The following CCDC171 variants were observed in gnomAD, a reference collection of about 807,000 sequenced individuals.
CCDC171 encodes the protein coiled-coil domain containing 171.
A neutral mutation model predicts 168.2 loss-of-function variants in CCDC171; 177 were observed. That is an observed-to-expected ratio of 1.05 (90% confidence interval 0.93 to 1.19). The LOEUF is 1.19. Ranked by LOEUF, CCDC171 falls within the 50% of genes most tolerant of loss-of-function variation. CCDC171 has a pLI of 0.00. For missense variants in CCDC171, 1,991 were observed against 1,539.0 expected (o/e 1.29, Z -4.91); for synonymous variants, 687 against 540.8 (o/e 1.27, Z -3.75).
At chr9:15,923,658 A>T (rs1177184646) in intron 25 of CCDC171, among the ~76,000 whole-genome samples, 3 of 151,508 alleles carry the variant, frequency 2.0e-5, no homozygotes, top group African/African-American at 7.3e-5. Flanking sequence ...TTCCTACCAT[A>T]AAAACGATAC....
chr9:15,860,457 A>G (rs144160008), intron 23 of CCDC171, among the ~76,000 whole-genome samples: 1 of 150,634 alleles, frequency 6.6e-6, no homozygotes, highest in Non-Finnish European at 1.5e-5. Context: ...GATATGTTGT[A>G]TTTCATTTTC....
intron 2 of CCDC171, among the ~76,000 whole-genome samples, chr9:15,566,601 AT>A (rs2039751393): frequency 6.6e-6 from 1 of 152,020 alleles, no homozygotes; most frequent in Non-Finnish European, 1.5e-5. Flanking sequence ...ATATGCAAAC[AT>A]TTTTCTCCTG....
chr9:15,612,744 A>G (rs1031300617), intron 6 of CCDC171, among the ~76,000 whole-genome samples: 2 of 152,058 alleles, frequency 1.3e-5, no homozygotes, highest in Non-Finnish European at 2.9e-5. Context: ...ATATTTGCAT[A>G]GTTTCCATGC....
chr9:15,650,101 G>C (rs1403274086), intron 7 of CCDC171, among the ~76,000 whole-genome samples: 3 of 152,174 alleles, frequency 2.0e-5, no homozygotes, highest in African/African-American at 7.2e-5. Flanking sequence ...CCTTTGTAGG[G>C]ACATGGATGA....
chr9:15,633,725 G>A (rs565348950), intron 7 of CCDC171, among the ~76,000 whole-genome samples: 11 of 152,238 alleles, frequency 7.2e-5, no homozygotes, highest in Admixed American at 2.0e-4. Flanking sequence ...ACATGCACAC[G>A]TATGTTTATT....
intron 7 of CCDC171, among the ~76,000 whole-genome samples, chr9:15,625,054 C>G (rs1322886894): frequency 2.0e-5 from 3 of 152,206 alleles, no homozygotes; most frequent in Admixed American, 6.5e-5. Context: ...ATTTGCATTT[C>G]TCTGATGGTC....
intron 21 of CCDC171, among the ~76,000 whole-genome samples, chr9:15,809,743 G>T (rs1027330644): frequency 1.3e-5 from 2 of 152,206 alleles, no homozygotes; most frequent in African/African-American, 4.8e-5. Context: ...GACCCAAAGA[G>T]TGAGCAACAG....
chr9:15,822,120 G>A (rs1255923502), intron 21 of CCDC171, among the ~76,000 whole-genome samples: 3 of 152,140 alleles, frequency 2.0e-5, no homozygotes, highest in Admixed American at 6.5e-5. Context: ...TGGGAAAACT[G>A]GCTAGCCATA....
chr9:15,735,007 G>A (rs545652939), intron 16 of CCDC171, among the ~76,000 whole-genome samples: 7 of 152,216 alleles, frequency 4.6e-5, no homozygotes, highest in Admixed American at 1.3e-4. Flanking sequence ...CTAAATTAAA[G>A]TAAAAAACAA....
chr9:16,002,683 T>G (rs1832587569), intron 3 of CCDC171, among the ~76,000 whole-genome samples: 2 of 152,334 alleles, frequency 1.3e-5, no homozygotes, highest in Non-Finnish European at 2.9e-5. Flanking sequence ...TACAGTAATG[T>G]CCTAGGGCCT....
chr9:15,764,129 T>C (rs2056598052), intron 18 of CCDC171, among the ~76,000 whole-genome samples: 1 of 152,062 alleles, frequency 6.6e-6, no homozygotes, highest in Non-Finnish European at 1.5e-5. Context: ...CCAGAGTCAA[T>C]AGTGGGAGAA....
intron 11 of CCDC171, among the ~76,000 whole-genome samples, chr9:15,713,492 G>A (rs940435792): frequency 6.6e-5 from 10 of 152,134 alleles, no homozygotes. Flanking sequence ...TGATGATAGA[G>A]TGCTCTTGTG....
intron 18 of CCDC171, among the ~76,000 whole-genome samples, chr9:15,766,436 A>G (rs1294433726): frequency 6.6e-6 from 1 of 151,478 alleles, no homozygotes; most frequent in African/African-American, 2.4e-5. Flanking sequence ...ATATGTATAT[A>G]TATTTTTATT....
intron 16 of CCDC171, among the ~76,000 whole-genome samples, chr9:15,742,099 G>A (rs1000692940): frequency 6.6e-6 from 1 of 151,916 alleles, no homozygotes; most frequent in African/African-American, 2.4e-5. Flanking sequence ...TAATTGAACA[G>A]ATGAAATTGA....
At chr9:15,644,898 T>C (rs1466976652) in intron 7 of CCDC171, among the ~76,000 whole-genome samples, 1 of 152,148 alleles carries the variant, frequency 6.6e-6, no homozygotes, top group African/African-American at 2.4e-5. Flanking sequence ...AGAGTAGTGG[T>C]TCTCCCAGCA....
chr9:16,104,634 T>A, the CCDC171 span, among the ~76,000 whole-genome samples: 3 of 152,042 alleles, frequency 2.0e-5, no homozygotes, highest in East Asian at 3.9e-4. Flanking sequence ...CATCAATCAT[T>A]CATCCATCCA....
intron 15 of CCDC171, 99 bp downstream of exon 15, chr9:15,728,135 A>G (rs1272137812): frequency 9.8e-6 from 9 of 916,906 alleles, no homozygotes. Flanking sequence ...TTATTTCAAA[A>G]AGAATTTGGA....
Position 16,018,182 on chromosome 9 carries a change from C to G in CCDC171, n.369-2407C>G, listed in dbSNP as rs575353243. On this transcript the variant is annotated intron_variant and non_coding_transcript_variant, in intron 3 of 9. Coordinates refer to the CCDC171 transcript ENST00000486641. ...CCATGTGTTTGTGATGCTTGTTAGC[C>G]TATTAGATGAATTGTCAATTTTTAA... is the stretch of plus-strand genomic sequence containing the variant. 1.5e-4 allele frequency among the ~76,000 whole-genome samples: 23 copies of G among 152,172 alleles called. 1 individual carries two copies. Among genetic ancestry groups the G allele is most frequent in the Middle Eastern group, 3.4e-3 (1 of 294 alleles).
chr9:15,907,331 C>T (rs1453705408), intron 24 of CCDC171, among the ~76,000 whole-genome samples: 4 of 152,166 alleles, frequency 2.6e-5, no homozygotes, highest in Non-Finnish European at 4.4e-5. Flanking sequence ...TGGAACAGAA[C>T]AGAGCCCTCA....
Sources: gnomAD v4.1 joint callset for allele counts (sites outside exome capture counted in the v4.1 genomes callset) on GRCh38, gnomAD v4.1.1 for gene constraint, MANE v1.5 for transcripts, NCBI Gene and HGNC (gene_info 2026-07-23, HGNC 2026-07-21) for gene names.